The following CELF1 variants were observed in gnomAD, a reference collection of about 807,000 sequenced individuals.
CELF1 encodes CUGBP Elav-like family member 1.
CELF1 carries 10 observed loss-of-function variants against 61.8 expected under a neutral mutation model. The observed-to-expected ratio is 0.16, with a 90% CI of 0.10 to 0.27. The LOEUF is 0.27. Among genes scored for constraint, CELF1 ranks in the 10% least tolerant of loss-of-function variants. The probability of loss-of-function intolerance (pLI) is 1.00; values close to 1 mark genes in which losing one functional copy is unlikely to be tolerated. For synonymous variants in CELF1, 236 were observed against 225.1 expected (o/e 1.05, Z -0.43); for missense variants, 380 against 639.1 (o/e 0.59, Z 4.37).
intron 1 of CELF1, among the ~76,000 whole-genome samples, chr11:47,528,167 C>T (rs527422716): frequency 1.4e-5 from 2 of 145,116 alleles, no homozygotes; most frequent in Non-Finnish European, 3.0e-5. Flanking sequence ...AAAGGAATTG[C>T]TCCAAGTATA....
intron 1 of CELF1, among the ~76,000 whole-genome samples, chr11:47,529,077 CTTTTTT>C (rs1162581463): frequency 7.5e-6 from 1 of 133,654 alleles, no homozygotes; most frequent in Non-Finnish European, 1.6e-5. Flanking sequence ...GTTTATTTTA[CTTTTTT>C]TTTTTTTTTT....
Position 47,547,669 on chromosome 11 carries a change from C to CAA in CELF1, c.-154+5321_-154+5322dup, listed in dbSNP as rs1169198313. Among the ~76,000 whole-genome samples the CAA allele has an allele frequency of 7.7e-3, 468 of 61,058 alleles. 1 individual carries two copies. The highest frequency in any genetic ancestry group is 0.024 in the African/African-American group (453 of 18,980). 40.1% of individuals were successfully genotyped at this position (61,058 alleles called of 152,430 possible). A position where few individuals can be genotyped will look rare whatever the true frequency, so the allele number is the denominator to read the frequency against. ...AGGCGACAAGAGCGAAACTCCATCT[C>CAA]AAAAAAAAAAAAAAGAAAAAAAAAA... On this transcript the variant is annotated intron_variant, in intron 1 of 14. Transcript: ENST00000687097.
At chr11:47,527,034 A>G (rs1400214367) in intron 1 of CELF1, among the ~76,000 whole-genome samples, 4 of 151,772 alleles carry the variant, frequency 2.6e-5, no homozygotes, top group Non-Finnish European at 4.4e-5. Context: ...CTGGGCGACA[A>G]GAGCAAAACT....
intron 1 of CELF1, among the ~76,000 whole-genome samples, chr11:47,549,482 A>G (rs550812390): frequency 2.0e-5 from 3 of 152,330 alleles, no homozygotes; most frequent in Admixed American, 6.5e-5. Flanking sequence ...ACAATGGAGT[A>G]TTAGCCTTAA....
At chr11:47,562,538 A>AG (rs1395938612) in intron 2 of CELF1, among the ~76,000 whole-genome samples, 1 of 150,464 alleles carries the variant, frequency 6.6e-6, no homozygotes, top group Non-Finnish European at 1.5e-5. Flanking sequence ...TCAAAAAAAA[A>AG]AAAAAAAAAA....
Position 47,466,411 on chromosome 11 carries a change from G to C in CELF1, c.*5819C>G, listed in dbSNP as rs934927639. On this transcript the variant is annotated 3_prime_UTR_variant, in exon 15 of 15. Transcript: ENST00000687097. The stretch of plus-strand genomic sequence containing the variant: ...AGAACAGACTGTGCGTTTGGTCATA[G>C]TGGCAATTTTTTTTTCTCTTCACAT... 16 of 152,178 alleles carry C rather than the reference G, an allele frequency of 1.1e-4. No individual in the cohort carries two copies. Among genetic ancestry groups the C allele is most frequent in the African/African-American group, 3.6e-4 (15 of 41,426 alleles). 9.4% of individuals were successfully genotyped at this position (152,178 alleles called of 1,614,324 possible).
chr11:47,560,204 T>A (rs1565922679), intron 2 of CELF1, among the ~76,000 whole-genome samples: 1 of 151,964 alleles, frequency 6.6e-6, no homozygotes, highest in African/African-American at 2.4e-5. Context: ...GGTGGGAGGA[T>A]CACTTGAGCC....
chr11:47,509,969 T>TA (rs1292195893), intron 1 of CELF1, among the ~76,000 whole-genome samples: 6 of 149,564 alleles, frequency 4.0e-5, no homozygotes, highest in Non-Finnish European at 7.4e-5. Flanking sequence ...GGCTAAGGCA[T>TA]AAGAATCACT....
At chr11:47,534,433 A>G (rs1368680517) in intron 1 of CELF1, among the ~76,000 whole-genome samples, 1 of 152,006 alleles carries the variant, frequency 6.6e-6, no homozygotes, top group Non-Finnish European at 1.5e-5. Flanking sequence ...ACAAAATTAT[A>G]AAAATAAAGC....
chr11:47,554,330 T>C (rs549042690), upstream of CELF1, among the ~76,000 whole-genome samples: 1 of 152,338 alleles, frequency 6.6e-6, no homozygotes, highest in Admixed American at 6.5e-5. Flanking sequence ...TAGTTTTATG[T>C]GTAGTTGACT....
chr11:47,479,266 C>T (rs1043880159), intron 9 of CELF1, among the ~76,000 whole-genome samples: 1 of 152,188 alleles, frequency 6.6e-6, no homozygotes, highest in African/African-American at 2.4e-5. Flanking sequence ...ACTTGAGGAG[C>T]TACGCAGTCA....
chr11:47,520,538 T>G (rs2095832640), intron 1 of CELF1, among the ~76,000 whole-genome samples: 2 of 152,202 alleles, frequency 1.3e-5, no homozygotes, highest in African/African-American at 4.8e-5. Flanking sequence ...CCAGGCACTG[T>G]GGCTCATGCC....
rs530951517 is a variant in CELF1, at chr11:47,526,182, AGCCAGGTGTGGTGGTGCAT to A, written c.-153-25269_-153-25251del. On this transcript the variant is annotated intron_variant, in intron 1 of 14. Transcript: ENST00000687097. ...CCGTCTTTACTAAAAATACAAAATT[AGCCAGGTGTGGTGGTGCAT>A]GCCAGGTGTGGGGGTGGCTGAGGCA... 1.6e-3 allele frequency among the ~76,000 whole-genome samples: 249 copies of A among 152,238 alleles called. 1 individual carries two copies. The highest frequency in any genetic ancestry group is 5.5e-3 in the African/African-American group (229 of 41,544).
At chr11:47,497,447 A>G (rs2093327498) in intron 3 of CELF1, among the ~76,000 whole-genome samples, 1 of 152,220 alleles carries the variant, frequency 6.6e-6, no homozygotes, top group Non-Finnish European at 1.5e-5. Flanking sequence ...GGCAAAAATA[A>G]AAAGACCTTT....
chr11:47,522,299 G>A (rs1205984983), intron 1 of CELF1, among the ~76,000 whole-genome samples: 1 of 151,802 alleles, frequency 6.6e-6, no homozygotes, highest in East Asian at 2.0e-4. Flanking sequence ...GCCAAGGCAG[G>A]TGGATCACCC....
intron 2 of CELF1, among the ~76,000 whole-genome samples, chr11:47,560,296 A>G: frequency 6.6e-6 from 1 of 152,122 alleles, no homozygotes. Flanking sequence ...CTCAATAAAA[A>G]AAAGAACAGA....
chr11:47,486,550 C>G (rs2087274098), intron 6 of CELF1, among the ~76,000 whole-genome samples, 200 bp downstream of exon 6: 1 of 151,976 alleles, frequency 6.6e-6, no homozygotes. Context: ...GCTGGGATTA[C>G]AGGCATGCAC....
intron 1 of CELF1, among the ~76,000 whole-genome samples, chr11:47,503,193 T>C (rs1219762889): frequency 2.0e-5 from 3 of 152,204 alleles, no homozygotes; most frequent in Middle Eastern, 6.3e-3. Context: ...ACAGCATTCA[T>C]TGCATTTAGG....
intron 10 of CELF1, among the ~76,000 whole-genome samples, 162 bp downstream of exon 10, chr11:47,478,715 T>C (rs2242081): frequency 0.35 from 53,132 of 152,080 alleles, 10,462 homozygotes; most frequent in South Asian, 0.51. Flanking sequence ...AGCCACTGTA[T>C]AGAGACAAGA....
Sources: allele counts gnomAD v4.1 joint callset (sites outside exome capture counted in the v4.1 genomes callset), GRCh38; gene constraint gnomAD v4.1.1; transcripts MANE v1.5; gene names NCBI Gene and HGNC (gene_info 2026-07-23, HGNC 2026-07-21).